The following DLL1 variants were observed in gnomAD, a reference collection of about 807,000 sequenced individuals.
DLL1 encodes the protein delta like canonical Notch ligand 1, also known as delta-like protein 1.
A neutral mutation model predicts 75.1 loss-of-function variants in DLL1; 9 were observed. That is an observed-to-expected ratio of 0.12 (90% CI 0.07 to 0.21). The LOEUF (loss-of-function observed/expected upper bound fraction) is 0.21, where lower values mean the gene tolerates loss of function less well. Ranked by LOEUF, DLL1 falls within the 10% of genes least tolerant of loss-of-function variation. The pLI is 1.00. For missense variants in DLL1, 837 were observed against 1,007.6 expected (o/e 0.83, Z 2.29); for synonymous variants, 477 against 418.3 (o/e 1.14, Z -1.71).
rs887918364 is a variant in DLL1, at chr6:170,285,010, A to G, written c.1158T>C (p.Asp386=). Residue 386 remains aspartate, a synonymous_variant, in exon 8 of 11, where the codon GAT becomes GAC. Coordinates refer to ENST00000366756, the MANE Select transcript of DLL1 (RefSeq NM_005618.4). Reference sequence around the variant, plus strand: ...CGGGGCAGCGGCAGCTGTACCCTCCATCGGGGCTGTCTGAGCACCGACCCC... The same window carrying G: ...CGGGGCAGCGGCAGCTGTACCCTCCGTCGGGGCTGTCTGAGCACCGACCCC... ...FNGGRCSDSP[D]GGYSCRCPVG... The G allele has an allele frequency of 1.9e-6, 3 of 1,614,112 alleles. No homozygotes were observed. The highest frequency in any genetic ancestry group is 1.7e-4 in the Middle Eastern group (1 of 6,060).
intron 5 of DLL1, 120 bp from the exon 6 acceptor site, chr6:170,285,819 A>G: frequency 7.0e-7 from 1 of 1,437,738 alleles, no homozygotes; most frequent in Non-Finnish European, 9.7e-7. Context: ...CCAGATTAGC[A>G]GAACACTGGG....
In DLL1 at chr6:170,285,062, G is replaced by C. The variant is rs542863619; in HGVS notation, c.1106C>G (p.Thr369Ser). 6.2e-7 allele frequency: 1 copy of C among 1,614,028 alleles called. No individual in the cohort carries two copies. Among genetic ancestry groups the C allele is most frequent in the African/African-American group, 1.3e-5 (1 of 74,920 alleles). Reference sequence around the variant, plus strand: ...GTTAAAGCAAGGGCCGTCCGCACAGGTCATGGCACTCAATTCACAGATTTT... The same window carrying C: ...GTTAAAGCAAGGGCCGTCCGCACAGCTCATGGCACTCAATTCACAGATTTT... Reference protein sequence around the residue: ...YGKICELSAMTCADGPCFNGG... With the variant: ...YGKICELSAMSCADGPCFNGG... Residue 369 changes from threonine to serine, a missense_variant, in exon 8 of 11, where the codon ACC becomes AGC. This residue lies in a region of DLL1 where 533 missense variants were observed against 545.7 expected (regional missense o/e 0.98). Coordinates refer to ENST00000366756, the MANE Select transcript of DLL1 (RefSeq NM_005618.4).
rs1278151704 is a variant in DLL1 at position 170,287,484 on chromosome 6, A to G, written c.670+755T>C. Among the ~76,000 whole-genome samples, 6 of 152,318 alleles carry G rather than the reference A, an allele frequency of 3.9e-5. No individual in the cohort carries two copies. In the South Asian group the frequency reaches 8.3e-4, roughly 21 times the overall value. ...TGGAGAGAGGGCTCCTGAGGTCCCC[A>G]TGAGCCAGAACCAGGAGCCAGCACG... On this transcript the variant is annotated intron_variant, in intron 4 of 10. Transcript: ENST00000366756.
At position 170,283,300 on chromosome 6, in the gene DLL1, T is replaced by C. The variant is rs777601538; in HGVS notation, c.1979A>G (p.Lys660Arg). 22 of 1,613,172 alleles carry C rather than the reference T, an allele frequency of 1.4e-5. No homozygotes were observed. Among genetic ancestry groups the C allele is most frequent in the Admixed American group, 5.0e-5 (3 of 60,012 alleles). Residue 660 changes from lysine (K) to arginine (R), a missense_variant, in exon 9 of 11, where the codon AAG becomes AGG. By Grantham distance (26) the Lys-to-Arg change is conservative. Around this residue, in one of 2 missense-constraint regions of DLL1, gnomAD observed 533 missense variants for 545.7 expected, o/e 0.98. Coordinates refer to ENST00000366756, the MANE Select transcript of DLL1 (RefSeq NM_005618.4). ...CTGGGGCTGGCACTTGGTGTCACGCTTGCTGTGCGCGTCCCTGACGGCGGT... is the reference window on the plus strand; with the variant it reads ...CTGGGGCTGGCACTTGGTGTCACGCCTGCTGTGCGCGTCCCTGACGGCGGT... ...DDTAVRDAHSKRDTKCQPQGS... is the reference protein window; with the variant it reads ...DDTAVRDAHSRRDTKCQPQGS...
At position 170,282,969 on chromosome 6, in the gene DLL1, G is replaced by A. The variant is rs41269631; in HGVS notation, c.2166+19C>T. On this transcript the variant is annotated intron_variant, in intron 10 of 10. Coordinates refer to ENST00000366756, the MANE Select transcript of DLL1 (RefSeq NM_005618.4). ...GCTCCCATGCCGAGGAGGAGGGAGC[G>A]GCTGCTGCCTGCACTGACCTCAGTT... 3,051 of 1,613,502 alleles carry A rather than the reference G, an allele frequency of 1.9e-3. 7 individuals are homozygous for A. Among genetic ancestry groups the A allele is most frequent in the African/African-American group, 2.5e-3 (189 of 75,026 alleles).
In DLL1 at chr6:170,283,486, C is replaced by T. The variant is rs370005717; in HGVS notation, c.1793G>A (p.Arg598His). Reference protein sequence around the residue: ...ETMNNLANCQREKDISVSIIG... With the variant: ...ETMNNLANCQHEKDISVSIIG... ...GATGCTGACTGAGATGTCCTTCTCA[C>T]GCTGGCAGTTGGCCAGGTTGTTCAT... is the stretch of plus-strand genomic sequence containing the variant. The change falls in exon 9 of 11, where the codon CGT (arginine) becomes CAT (histidine). Residue 598 changes from arginine to histidine, a missense_variant. Physicochemically the swap from Arg to His is conservative, Grantham distance 29 (BLOSUM62 0). Transcript: ENST00000366756. 28 of 1,613,358 alleles carry T rather than the reference C, an allele frequency of 1.7e-5. No individual in the cohort carries two copies. The highest frequency in any genetic ancestry group is 3.3e-5 in the Admixed American group (2 of 60,008).
chr6:170,286,916 G>T (rs1410583596), intron 4 of DLL1, among the ~76,000 whole-genome samples: 1 of 152,190 alleles, frequency 6.6e-6, no homozygotes, highest in Non-Finnish European at 1.5e-5. Flanking sequence ...GCGAGCTGGG[G>T]GCGGGGAGAG....
rs139656180 is a variant in DLL1, at chr6:170,285,295, C to T, written c.991G>A (p.Glu331Lys). 9.1e-4 allele frequency: 1,466 copies of T among 1,614,168 alleles called. 2 individuals carry two copies. The highest frequency in any genetic ancestry group is 1.1e-3 in the Non-Finnish European group (1,307 of 1,180,034). Residue 331 changes from glutamate to lysine, a missense_variant, in exon 7 of 11, where the codon GAG becomes AAG. Physicochemically the swap from Glu to Lys is moderately conservative, Grantham distance 56 (BLOSUM62 1). Transcript: ENST00000366756. ...TGATCELGID[E>K]CDPSPCKNGG... ...TTCTTACAAGGGCTGGGGTCACACT[C>T]GTCAATCCCCAGCTCGCAGGTGGCA...
In DLL1 at chr6:170,285,032, C is replaced by T; in HGVS notation, c.1136G>A (p.Gly379Asp). ...TCADGPCFNG[G>D]RCSDSPDGGY... The stretch of plus-strand genomic sequence containing the variant: ...TCCATCGGGGCTGTCTGAGCACCGA[C>T]CCCCGTTAAAGCAAGGGCCGTCCGC... The change falls in exon 8 of 11, where the codon GGT becomes GAT. Residue 379 changes from glycine to aspartate, a missense_variant. Coordinates refer to ENST00000366756, the MANE Select transcript of DLL1 (RefSeq NM_005618.4). 3.1e-6 allele frequency: 5 copies of T among 1,614,174 alleles called. No individual in the cohort carries two copies. Among genetic ancestry groups the T allele is most frequent in the African/African-American group, 1.3e-5 (1 of 75,056 alleles).
Position 170,282,968 on chromosome 6 carries a change from C to T in DLL1, c.2166+20G>A, listed in dbSNP as rs773996573. The T allele has an allele frequency of 3.0e-5, 48 of 1,613,970 alleles. No individual in the cohort carries two copies. Among genetic ancestry groups the T allele is most frequent in the Middle Eastern group, 1.6e-4 (1 of 6,082 alleles). ...TGCTCCCATGCCGAGGAGGAGGGAG[C>T]GGCTGCTGCCTGCACTGACCTCAGT... On this transcript the variant is annotated intron_variant, in intron 10 of 10. Transcript: ENST00000366756.
chr6:170,284,772 A>G, intron 8 of DLL1, 147 bp downstream of exon 8: 1 of 879,144 alleles, frequency 1.1e-6, no homozygotes, highest in Non-Finnish European at 1.9e-6. Flanking sequence ...TTCCAGACTC[A>G]AAGATAGAGT....
In DLL1 at chr6:170,283,446, C is replaced by G; in HGVS notation, c.1833G>C (p.Gln611His). The part of the protein sequence containing the change: ...DISVSIIGAT[Q>H]IKNTNKKADF... The stretch of plus-strand genomic sequence containing the variant: ...CCGCCTTCTTGTTGGTGTTCTTGAT[C>G]TGCGTGGCCCCGATGATGCTGACTG... The change falls in exon 9 of 11, where the codon CAG (glutamine) becomes CAC (histidine). Residue 611 changes from glutamine to histidine, a missense_variant. By Grantham distance (24) the Gln-to-His change is conservative (BLOSUM62 0). This residue lies in a region of DLL1 where 533 missense variants were observed against 545.7 expected (regional missense o/e 0.98). Coordinates refer to ENST00000366756, the MANE Select transcript of DLL1 (RefSeq NM_005618.4). 6.2e-7 allele frequency: 1 copy of G among 1,612,244 alleles called. No homozygotes were observed. The highest frequency in any genetic ancestry group is 8.5e-7 in the Non-Finnish European group (1 of 1,180,026).
rs3734775 is a variant in DLL1 at position 170,289,936 on chromosome 6, G to A, written c.55-128C>T. The A allele has an allele frequency of 4.6e-6, 6 of 1,315,914 alleles. No individual in the cohort carries two copies. The South Asian group carries it at 1.0e-4, about 22-fold the overall frequency. The allele number at this position is 1,315,914 out of a possible 1,614,324, so 81.5% of individuals were successfully genotyped here. A position where few individuals can be genotyped will look rare whatever the true frequency, so the allele number is the denominator to read the frequency against. On this transcript the variant is annotated intron_variant, in intron 1 of 10. Transcript: ENST00000366756. ...GCCGAGCGCGCTCGCTGCACGGCCGGCGCTGGGGTCGTCGCCCCCGGGATT... is the reference window on the plus strand; with the variant it reads ...GCCGAGCGCGCTCGCTGCACGGCCGACGCTGGGGTCGTCGCCCCCGGGATT...
chr6:170,290,175 C>T lies in DLL1; in HGVS notation c.-36G>A, dbSNP rs1428349716. The T allele has an allele frequency of 1.9e-6, 3 of 1,586,018 alleles. No homozygotes were observed. ...TCCACGCGCGAGCCTGGGGGGCCCC[C>T]ACTTCTCTCCTTAGAACAGCGGCGG... is the stretch of plus-strand genomic sequence containing the variant. On this transcript the variant is annotated 5_prime_UTR_variant, in exon 1 of 11. Coordinates refer to ENST00000366756, the MANE Select transcript of DLL1 (RefSeq NM_005618.4). The surrounding 1 kb of genome is among the most constrained non-coding windows in gnomAD (Gnocchi z 4.7).
rs983689351 is a variant in DLL1, at chr6:170,290,970, C to G, written c.-831G>C. ...TGCCGCCCTTATATTCAGCCGGCCG[C>G]CCGCATGGCTAATGAGATGCAAATC... is the stretch of plus-strand genomic sequence containing the variant. On this transcript the variant is annotated 5_prime_UTR_variant, in exon 1 of 11. Transcript: ENST00000366756. The surrounding 1 kb of genome is among the most constrained non-coding windows in gnomAD (Gnocchi z 4.7). 6 of 701,392 alleles carry G rather than the reference C, an allele frequency of 8.6e-6. No homozygotes were observed. The East Asian group carries it at 1.6e-4, about 19-fold the overall frequency. 43.4% of individuals were successfully genotyped at this position (701,392 alleles called of 1,614,324 possible). A position where few individuals can be genotyped will look rare whatever the true frequency, so the allele number is the denominator to read the frequency against.
intron 8 of DLL1, 130 bp downstream of exon 8, chr6:170,284,789 C>T (rs1388901516): frequency 1.1e-5 from 11 of 960,084 alleles, no homozygotes; most frequent in African/African-American, 3.2e-5. Context: ...GAGTTTCCAT[C>T]GAGAATTCCT....
chr6:170,283,070 C>A lies in DLL1; in HGVS notation c.2084G>T (p.Gly695Val), dbSNP rs1471124416. The change falls in exon 10 of 11, where the codon GGC (glycine) becomes GTC (valine). Residue 695 changes from glycine (G) to valine (V), a missense_variant. Physicochemically the swap from Gly to Val is moderately radical, Grantham distance 109 (BLOSUM62 -3). Around this residue, in one of 2 missense-constraint regions of DLL1, gnomAD observed 533 missense variants for 545.7 expected, o/e 0.98. Coordinates refer to ENST00000366756, the MANE Select transcript of DLL1 (RefSeq NM_005618.4). ...EASERKRPDSGCSTSKDTKYQ... is the reference protein window; with the variant it reads ...EASERKRPDSVCSTSKDTKYQ... ...CTTGGTGTCTTTTGAAGTTGAACAG[C>A]CCGAGTCCGGCCTTTTTCTTTCAGA... 6.2e-7 allele frequency: 1 copy of A among 1,614,004 alleles called. No individual in the cohort carries two copies. Among genetic ancestry groups the A allele is most frequent in the African/African-American group, 1.3e-5 (1 of 74,936 alleles).
rs746915006 is a variant in DLL1, at chr6:170,283,305, G to A, written c.1974C>T (p.His658=). 3.7e-6 allele frequency: 6 copies of A among 1,613,266 alleles called. No individual in the cohort carries two copies. In the South Asian group the frequency reaches 5.5e-5, roughly 15 times the overall value. Residue 658 remains histidine, a synonymous_variant, in exon 9 of 11, where the codon CAC becomes CAT. Coordinates refer to ENST00000366756, the MANE Select transcript of DLL1 (RefSeq NM_005618.4). ...KGDDTAVRDA[H]SKRDTKCQPQ... ...GCTGGCACTTGGTGTCACGCTTGCT[G>A]TGCGCGTCCCTGACGGCGGTGTCGT...
Position 170,284,976 on chromosome 6 carries a change from A to C in DLL1, c.1192T>G (p.Ser398Ala). Residue 398 changes from serine (S) to alanine (A), a missense_variant, in exon 8 of 11, where the codon TCC becomes GCC. By Grantham distance (99) the Ser-to-Ala change is moderately conservative. Around this residue, in one of 2 missense-constraint regions of DLL1, gnomAD observed 533 missense variants for 545.7 expected, o/e 0.98. Transcript: ENST00000366756. ...ATTTTCTTCTCACAGTTGAAGCCGG[A>C]GTAGCCCACGGGGCAGCGGCAGCTG... ...GYSCRCPVGY[S>A]GFNCEKKIDY... is the part of the protein sequence containing the mutation. The C allele has an allele frequency of 6.2e-7, 1 of 1,614,182 alleles. No individual in the cohort carries two copies. Among genetic ancestry groups the C allele is most frequent in the Non-Finnish European group, 8.5e-7 (1 of 1,180,034 alleles).
Sources: allele counts gnomAD v4.1 joint callset (sites outside exome capture counted in the v4.1 genomes callset), GRCh38; gene constraint gnomAD v4.1.1; regional missense constraint gnomAD v4.1.1; non-coding constraint Gnocchi (gnomAD v3.1); transcripts MANE v1.5; gene names NCBI Gene and HGNC (gene_info 2026-07-23, HGNC 2026-07-21).